WWTR1: variants seen among roughly 807,000 people sequenced by gnomAD.
The protein encoded by WWTR1 is WW domain-containing transcription regulator protein 1.
Under a neutral mutation model 40.1 loss-of-function variants are expected in WWTR1, and 13 were observed. The observed-to-expected ratio is 0.32, with a 90% CI of 0.21 to 0.52. The LOEUF (loss-of-function observed/expected upper bound fraction) is 0.52, where lower values mean the gene tolerates loss of function less well. Among genes scored for constraint, WWTR1 ranks in the 20% least tolerant of loss-of-function variants. The probability of loss-of-function intolerance (pLI) is 0.97; values close to 1 mark genes in which losing one functional copy is unlikely to be tolerated. For missense variants in WWTR1, 436 were observed against 523.1 expected (o/e 0.83, Z 1.63); for synonymous variants, 230 against 210.1 (o/e 1.09, Z -0.82).
chr3:149,689,806 A>T (rs1714761176), intron 1 of WWTR1, among the ~76,000 whole-genome samples: 1 of 152,150 alleles, frequency 6.6e-6, no homozygotes, highest in South Asian at 2.1e-4. Context: ...GTACACAGAC[A>T]AATACAGAAT....
intron 1 of WWTR1, among the ~76,000 whole-genome samples, chr3:149,692,040 A>G (rs1174422546): frequency 2.0e-5 from 3 of 152,140 alleles, no homozygotes; most frequent in Non-Finnish European, 4.4e-5. Context: ...TTTAAAAAGA[A>G]AAGCTAATAC....
chr3:149,569,280 A>T (rs529940472), intron 3 of WWTR1, among the ~76,000 whole-genome samples: 1 of 152,338 alleles, frequency 6.6e-6, no homozygotes, highest in East Asian at 1.9e-4. Flanking sequence ...TTAAAATATA[A>T]CATGCTATAG....
At chr3:149,575,761 A>G (rs143891105) in intron 2 of WWTR1, among the ~76,000 whole-genome samples, 1,535 of 152,288 alleles carry the variant, frequency 0.01, 23 homozygotes, top group African/African-American at 0.034. Flanking sequence ...CATCTAGCAT[A>G]GGAAGCCCAG....
At chr3:149,575,435 C>T (rs1737836666) in intron 2 of WWTR1, among the ~76,000 whole-genome samples, 1 of 152,162 alleles carries the variant, frequency 6.6e-6, no homozygotes, top group African/African-American at 2.4e-5. Flanking sequence ...CAGACATGTG[C>T]TACATAAATA....
intron 6 of WWTR1, among the ~76,000 whole-genome samples, chr3:149,524,886 A>G (rs1236836341): frequency 2.6e-5 from 4 of 152,224 alleles, no homozygotes; most frequent in Non-Finnish European, 5.9e-5. Flanking sequence ...ATGATAATGG[A>G]GAAGGAACTT....
intron 2 of WWTR1, among the ~76,000 whole-genome samples, chr3:149,594,263 G>T (rs1014753652): frequency 6.6e-6 from 1 of 152,026 alleles, no homozygotes; most frequent in Non-Finnish European, 1.5e-5. Context: ...CTGTGGTCAG[G>T]GGGCCTCTCT....
At chr3:149,581,747 C>T (rs1738160090) in intron 2 of WWTR1, among the ~76,000 whole-genome samples, 1 of 152,150 alleles carries the variant, frequency 6.6e-6, no homozygotes, top group Non-Finnish European at 1.5e-5. Flanking sequence ...GAAGTTTCCA[C>T]TTGTTTAAGT....
intron 2 of WWTR1, among the ~76,000 whole-genome samples, chr3:149,647,658 C>G (rs754154412): frequency 6.6e-6 from 1 of 152,218 alleles, no homozygotes; most frequent in Non-Finnish European, 1.5e-5. Context: ...AATTTTGGAA[C>G]TGTACTTGCT....
At chr3:149,657,366 G>A (rs911530183) in intron 1 of WWTR1, 57 bp from the exon 2 acceptor site, 3 of 1,519,590 alleles carry the variant, frequency 2.0e-6, no homozygotes, top group Non-Finnish European at 2.7e-6. Flanking sequence ...GTGGGTAAGA[G>A]GGTTACAGGG....
chr3:149,621,567 C>T (rs1740273196), intron 2 of WWTR1, among the ~76,000 whole-genome samples: 1 of 152,112 alleles, frequency 6.6e-6, no homozygotes, highest in South Asian at 2.1e-4. Context: ...GGTGCAACTC[C>T]TTTCACTAGC....
intron 4 of WWTR1, among the ~76,000 whole-genome samples, chr3:149,533,209 C>A (rs1436288878): frequency 6.6e-6 from 1 of 152,188 alleles, no homozygotes; most frequent in African/African-American, 2.4e-5. Flanking sequence ...AGAAGCAGGT[C>A]ATCATTGCTT....
At chr3:149,578,716 G>A (rs1477444721) in intron 2 of WWTR1, among the ~76,000 whole-genome samples, 1 of 152,102 alleles carries the variant, frequency 6.6e-6, no homozygotes, top group Non-Finnish European at 1.5e-5. Flanking sequence ...TGGCGAACAT[G>A]GAGAAACCCT....
At position 149,610,285 on chromosome 3, in the gene WWTR1, G is replaced by A. The variant is rs554858365; in HGVS notation, c.432-37285C>T. The stretch of plus-strand genomic sequence containing the variant: ...CAGTGTTGCAAAATGATTTTAAAAT[G>A]TAATGATGTTTTTGTTTGATTTTGT... On this transcript the variant is annotated intron_variant, in intron 2 of 6. Transcript: ENST00000360632. Among the ~76,000 whole-genome samples, 3 of 152,272 alleles carry A rather than the reference G, an allele frequency of 2.0e-5. No homozygotes were observed. The South Asian group carries it at 6.2e-4, about 32-fold the overall frequency.
intron 3 of WWTR1, among the ~76,000 whole-genome samples, chr3:149,547,222 C>G (rs1046744777): frequency 1.6e-5 from 1 of 61,102 alleles, no homozygotes; most frequent in Non-Finnish European, 3.1e-5. Context: ...ACAATAGTTC[C>G]ATTAAAAAAA....
chr3:149,525,372 A>G (rs1047478291), intron 6 of WWTR1, among the ~76,000 whole-genome samples: 3 of 152,102 alleles, frequency 2.0e-5, no homozygotes, highest in African/African-American at 4.8e-5. Flanking sequence ...AAATACCCCA[A>G]TGTGGAAACA....
At chr3:149,664,781 T>C (rs1318209746) in intron 2 of WWTR1, among the ~76,000 whole-genome samples, 1 of 151,958 alleles carries the variant, frequency 6.6e-6, no homozygotes, top group African/African-American at 2.4e-5. Flanking sequence ...GAGATGGGGT[T>C]TCTCTATGTT....
chr3:149,648,650 C>G (rs897500769), intron 2 of WWTR1, among the ~76,000 whole-genome samples: 3 of 152,200 alleles, frequency 2.0e-5, no homozygotes, highest in Admixed American at 6.5e-5. Context: ...GCAAAGGAAA[C>G]AGCTTGTGCC....
intron 2 of WWTR1, among the ~76,000 whole-genome samples, chr3:149,651,434 C>T (rs949747977): frequency 2.0e-5 from 3 of 152,106 alleles, no homozygotes; most frequent in Non-Finnish European, 4.4e-5. Context: ...CAGTTCAGAA[C>T]GGCACAGAAC....
At chr3:149,719,462 G>A (rs1188008261) in intron 4 of WWTR1, among the ~76,000 whole-genome samples, 1 of 152,154 alleles carries the variant, frequency 6.6e-6, no homozygotes, top group East Asian at 1.9e-4. Flanking sequence ...TGGCCACTGT[G>A]CCCAGCCTTA....
Sources: gnomAD v4.1 joint callset for allele counts (sites outside exome capture counted in the v4.1 genomes callset) on GRCh38, gnomAD v4.1.1 for gene constraint, MANE v1.5 for transcripts, NCBI Gene and HGNC (gene_info 2026-07-23, HGNC 2026-07-21) for gene names.